Variants in PPFIA1 observed in about 807,000 individuals in gnomAD.
The protein encoded by PPFIA1 is PPFI scaffold protein A1.
In PPFIA1, 25 loss-of-function variants were observed where a neutral mutation model predicts 149.9. The ratio of observed to expected loss-of-function variants is 0.17; its 90% confidence interval spans 0.12 to 0.23. The LOEUF (loss-of-function observed/expected upper bound fraction) is 0.23, where lower values mean the gene tolerates loss of function less well. Ranked by LOEUF, PPFIA1 falls within the 10% of genes least tolerant of loss-of-function variation. The pLI, the probability that PPFIA1 is intolerant of heterozygous loss-of-function variation, is 1.00. For missense variants in PPFIA1, 1,362 were observed against 1,506.5 expected (o/e 0.90, Z 1.59); for synonymous variants, 549 against 552.8 (o/e 0.99, Z 0.10).
chr11:70,286,546 C>T (rs1217502572), intron 2 of PPFIA1, among the ~76,000 whole-genome samples: 6 of 151,720 alleles, frequency 4.0e-5, no homozygotes, highest in Admixed American at 1.3e-4. Context: ...CCACTGCTCC[C>T]GGCCCTATCT....
intron 10 of PPFIA1, chr11:70,334,249 G>A (rs2054839153): frequency 6.6e-6 from 1 of 152,400 alleles, no homozygotes; most frequent in South Asian, 2.1e-4. Context: ...TCTTTAACAA[G>A]TAGGTGGAGA....
chr11:70,286,223 C>T (rs763161536), intron 2 of PPFIA1, among the ~76,000 whole-genome samples: 10 of 152,150 alleles, frequency 6.6e-5, no homozygotes, highest in South Asian at 6.2e-4. Flanking sequence ...ATCCTGTGAA[C>T]GGTAGTTTTC....
At chr11:70,378,007 T>A (rs2057554876) in intron 25 of PPFIA1, 23 bp from the exon 26 acceptor site, 1 of 1,561,114 alleles carries the variant, frequency 6.4e-7, no homozygotes, top group Admixed American at 1.8e-5. Flanking sequence ...ATGAATCTTG[T>A]TTTTTGTTCC....
chr11:70,377,054 CAGAG>C (rs1205868006), intron 25 of PPFIA1, among the ~76,000 whole-genome samples: 2 of 151,374 alleles, frequency 1.3e-5, no homozygotes, highest in African/African-American at 4.9e-5. Flanking sequence ...GCCTGGGCGA[CAGAG>C]AGAAACTCCA....
At chr11:70,308,158 C>T (rs1473242612) in intron 2 of PPFIA1, among the ~76,000 whole-genome samples, 1 of 152,236 alleles carries the variant, frequency 6.6e-6, no homozygotes, top group Non-Finnish European at 1.5e-5. Context: ...AAGCGATTCT[C>T]CTCTGTCAGC....
intron 2 of PPFIA1, among the ~76,000 whole-genome samples, chr11:70,288,872 T>C (rs1248853376): frequency 1.3e-5 from 2 of 152,006 alleles, no homozygotes; most frequent in Non-Finnish European, 1.5e-5. Context: ...AAATCATTCC[T>C]CTCAGGAGCC....
At chr11:70,371,803 T>C (rs2057281338) in intron 21 of PPFIA1, 1 of 153,074 alleles carries the variant, frequency 6.5e-6, no homozygotes, top group Non-Finnish European at 1.5e-5. Flanking sequence ...ATTTTTTCTT[T>C]AGGAAAACAA....
intron 2 of PPFIA1, among the ~76,000 whole-genome samples, chr11:70,277,055 TATATA>T (rs2050435156): frequency 2.5e-5 from 1 of 39,642 alleles, no homozygotes; most frequent in African/African-American, 8.1e-5. Flanking sequence ...TATATATATA[TATATA>T]TTTTTTTTTT....
intron 15 of PPFIA1, among the ~76,000 whole-genome samples, chr11:70,347,435 A>C (rs1248636379): frequency 6.6e-6 from 1 of 152,248 alleles, no homozygotes; most frequent in Non-Finnish European, 1.5e-5. Flanking sequence ...GTGGTGGCTC[A>C]TGCCAGTAAT....
chr11:70,335,928 AG>A (rs1258678977), intron 11 of PPFIA1, among the ~76,000 whole-genome samples: 3 of 152,234 alleles, frequency 2.0e-5, no homozygotes, highest in African/African-American at 7.2e-5. Flanking sequence ...CTTATTCTCT[AG>A]AATGAGAGTA....
At position 70,332,097 on chromosome 11, in the gene PPFIA1, A is replaced by G; in HGVS notation, c.1212+3A>G. ...AGAGGGTGGCAGCGCTTTCCAAGGT[A>G]GTGCCATGAGCTTCATTCTGGTTCG... On this transcript the variant is annotated splice_donor_region_variant and intron_variant, in intron 9 of 27. Coordinates refer to ENST00000253925, the MANE Select transcript of PPFIA1 (RefSeq NM_003626.5). 6.3e-7 allele frequency: 1 copy of G among 1,592,338 alleles called. No individual in the cohort carries two copies. The highest frequency in any genetic ancestry group is 8.5e-7 in the Non-Finnish European group (1 of 1,171,916).
intron 15 of PPFIA1, among the ~76,000 whole-genome samples, chr11:70,345,716 A>G (rs542561534): frequency 6.6e-6 from 1 of 152,244 alleles, no homozygotes; most frequent in African/African-American, 2.4e-5. Flanking sequence ...CACACCAGCT[A>G]CTTGGGAGGC....
At chr11:70,343,341 G>A (rs943870587) in intron 14 of PPFIA1, among the ~76,000 whole-genome samples, 3 of 152,192 alleles carry the variant, frequency 2.0e-5, no homozygotes, top group African/African-American at 7.2e-5. Context: ...CCATTGATCA[G>A]CCTCTCTTCA....
rs1485848220 is a variant in PPFIA1, at chr11:70,335,554, C to T, written c.1297-9C>T. 4 of 1,612,700 alleles carry T rather than the reference C, an allele frequency of 2.5e-6. No individual in the cohort carries two copies. Among genetic ancestry groups the T allele is most frequent in the African/African-American group, 2.7e-5 (2 of 74,846 alleles). ...TGAGGTTTATAAGACTTTGTTTCTC[C>T]TGCTTTAGGCAAGGCAAAGAGAAAA... On this transcript the variant is annotated splice_polypyrimidine_tract_variant and intron_variant, in intron 10 of 27. Transcript: ENST00000253925.
chr11:70,358,637 A>C (rs1227011955), intron 19 of PPFIA1: 2 of 152,180 alleles, frequency 1.3e-5, no homozygotes, highest in African/African-American at 2.4e-5. Flanking sequence ...TCTCAGAATT[A>C]TTTTCTTCTT....
chr11:70,368,577 T>C (rs1476154499), intron 21 of PPFIA1, among the ~76,000 whole-genome samples: 1 of 152,254 alleles, frequency 6.6e-6, no homozygotes, highest in Non-Finnish European at 1.5e-5. Context: ...TGTACACATT[T>C]TGCATGCATT....
At chr11:70,335,455 G>T (rs2054914405) in intron 10 of PPFIA1, 108 bp from the exon 11 acceptor site, 3 of 1,322,682 alleles carry the variant, frequency 2.3e-6, no homozygotes, top group African/African-American at 1.5e-5. Flanking sequence ...GGGAGCAACT[G>T]GGGGAGGGGA....
intron 26 of PPFIA1, among the ~76,000 whole-genome samples, chr11:70,380,128 C>T (rs969439263): frequency 6.6e-6 from 1 of 152,166 alleles, no homozygotes; most frequent in Admixed American, 6.5e-5. Flanking sequence ...TAAACCTAGG[C>T]CGGGCGCGGT....
At chr11:70,297,613 A>G (rs1297704333) in intron 2 of PPFIA1, among the ~76,000 whole-genome samples, 1 of 152,186 alleles carries the variant, frequency 6.6e-6, no homozygotes, top group Non-Finnish European at 1.5e-5. Context: ...TGCTAAGTCA[A>G]AGGGCTTGTT....
Sources: allele counts gnomAD v4.1 joint callset (sites outside exome capture counted in the v4.1 genomes callset), GRCh38; gene constraint gnomAD v4.1.1; transcripts MANE v1.5; gene names NCBI Gene and HGNC (gene_info 2026-07-23, HGNC 2026-07-21).